Variants in DGKK observed in about 807,000 individuals in gnomAD.
The protein encoded by DGKK is 142 kDa diacylglycerol kinase.
DGKK carries 35 observed loss-of-function variants against 92.2 expected under a neutral mutation model. The observed-to-expected ratio is 0.38, with a 90% CI of 0.29 to 0.50. The LOEUF is 0.50. DGKK is among the 20% of genes least tolerant of loss of function. The pLI is 0.92. For missense variants in DGKK, 910 were observed against 992.2 expected (o/e 0.92, Z 1.11); for synonymous variants, 368 against 360.6 (o/e 1.02, Z -0.23).
intron 1 of DGKK, among the ~76,000 whole-genome samples, chrX:50,450,356 C>T (rs782501116): frequency 1.8e-5 from 2 of 111,831 alleles, no homozygotes; most frequent in Non-Finnish European, 3.8e-5. Context: ...CACAGAGCAC[C>T]AACTCAGATG....
Position 50,388,579 on chromosome X carries a change from A to G in DGKK, c.1966T>C (p.Leu656=), listed in dbSNP as rs781885191. The change falls in exon 13 of 28, where the codon TTG becomes CTG. Residue 656 remains leucine, a synonymous_variant. Transcript: ENST00000611977. ...IQHLESAATE[L]NKILKAKYPT... The stretch of plus-strand genomic sequence containing the variant: ...TACTTGGCCTTCAGGATTTTGTTCA[A>G]CTCGGTGGCTGCAGATTCTAAGTGT... 12 of 1,208,331 alleles carry G rather than the reference A, an allele frequency of 9.9e-6. No homozygotes were observed. In the South Asian group the frequency reaches 1.4e-4, roughly 14 times the overall value.
At chrX:50,429,211 T>TC (rs1440060712) in intron 1 of DGKK, among the ~76,000 whole-genome samples, 1 of 111,352 alleles carries the variant, frequency 9.0e-6, no homozygotes, top group Non-Finnish European at 1.9e-5. Flanking sequence ...AGGCTTGGTT[T>TC]CCCTTACTTT....
At chrX:50,397,197 C>G (rs1924874802) in intron 8 of DGKK, among the ~76,000 whole-genome samples, 1 of 111,721 alleles carries the variant, frequency 9.0e-6, no homozygotes, top group Non-Finnish European at 1.9e-5. Context: ...CTGAAAGAAC[C>G]TTTCAAAAAA....
intron 1 of DGKK, among the ~76,000 whole-genome samples, chrX:50,449,158 C>A (rs1014073417): frequency 9.0e-6 from 1 of 111,455 alleles, no homozygotes; most frequent in Non-Finnish European, 1.9e-5. Context: ...CATGGTGACA[C>A]CCCAAAGCAA....
intron 1 of DGKK, among the ~76,000 whole-genome samples, chrX:50,449,365 C>T (rs1329397539): frequency 3.6e-5 from 4 of 111,667 alleles, no homozygotes; most frequent in African/African-American, 1.3e-4. Context: ...AATAGCCATC[C>T]CACAGAGGAA....
At chrX:50,407,902 G>A (rs782667374) in intron 4 of DGKK, among the ~76,000 whole-genome samples, 14 of 112,276 alleles carry the variant, frequency 1.2e-4, no homozygotes, top group Non-Finnish European at 1.9e-5. Context: ...TGGACTTAAG[G>A]GTACAGATAT....
At chrX:50,375,324 T>C (rs1167929531) in intron 24 of DGKK, among the ~76,000 whole-genome samples, 2 of 111,511 alleles carry the variant, frequency 1.8e-5, no homozygotes, top group Non-Finnish European at 3.8e-5. Flanking sequence ...GCATCACTGA[T>C]TGATTGCAGT....
intron 1 of DGKK, among the ~76,000 whole-genome samples, chrX:50,453,027 C>T (rs1365352394): frequency 2.7e-5 from 3 of 111,341 alleles, no homozygotes; most frequent in African/African-American, 9.8e-5. Flanking sequence ...AAGTTTTAAG[C>T]CTTTTAAAAA....
intron 1 of DGKK, among the ~76,000 whole-genome samples, chrX:50,454,372 T>C (rs782730762): frequency 2.7e-5 from 3 of 111,402 alleles, no homozygotes; most frequent in Non-Finnish European, 5.7e-5. Context: ...TAGATTATCA[T>C]TGCCTGAGGT....
chrX:50,372,861 C>G (rs1924177570), intron 25 of DGKK, among the ~76,000 whole-genome samples: 1 of 111,997 alleles, frequency 8.9e-6, no homozygotes, highest in African/African-American at 3.2e-5. Context: ...GGCCTCACCT[C>G]TACTCCCTGG....
chrX:50,423,519 C>T (rs1180469060), intron 2 of DGKK, among the ~76,000 whole-genome samples: 1 of 111,568 alleles, frequency 9.0e-6, no homozygotes, highest in South Asian at 3.8e-4. Flanking sequence ...CCTGTGTTAG[C>T]CAACAATTTC....
At position 50,403,181 on chromosome X, in the gene DGKK, G is replaced by T. The variant is rs1393343600; in HGVS notation, c.1188C>A (p.Asn396Lys). 1 of 1,190,925 alleles carries T rather than the reference G, an allele frequency of 8.4e-7. No individual in the cohort carries two copies. The highest frequency in any genetic ancestry group is 2.3e-5 in the Admixed American group (1 of 43,432). The part of the protein sequence containing the change: ...DDLLLPADEV[N>K]MPHQWVEGNM... ...TTCCTTCTACCCATTGATGGGGCATGTTCTGCAGAAGGGTAAAAAGACACA... is the reference window on the plus strand; with the variant it reads ...TTCCTTCTACCCATTGATGGGGCATTTTCTGCAGAAGGGTAAAAAGACACA... Residue 396 changes from asparagine (N) to lysine (K), a missense_variant and splice_region_variant, in exon 7 of 28, where the codon AAC becomes AAA. Physicochemically the swap from Asn to Lys is moderately conservative, Grantham distance 94 (BLOSUM62 0). Transcript: ENST00000611977.
chrX:50,462,882 CTTTTTTTTTTTTTTTTTTTTTTT>C (rs548003185), intron 1 of DGKK, among the ~76,000 whole-genome samples: 12 of 15,766 alleles, frequency 7.6e-4, no homozygotes, highest in African/African-American at 1.3e-3. Flanking sequence ...CCTTTCCTTG[CTTTTTTTTTTTTTTTTTTTTTTT>C]TTTTTTTTTT....
At chrX:50,404,631 A>C (rs782699727) in intron 4 of DGKK, among the ~76,000 whole-genome samples, 1 of 109,650 alleles carries the variant, frequency 9.1e-6, no homozygotes, top group African/African-American at 3.3e-5. Flanking sequence ...TTTTTAGTAG[A>C]GACGGGGTCA....
rs1557224108 is a variant in DGKK, at chrX:50,378,628, G to T, written c.2926C>A (p.Gln976Lys). The T allele has an allele frequency of 8.3e-7, 1 of 1,209,758 alleles. No homozygotes were observed. The highest frequency in any genetic ancestry group is 1.1e-6 in the Non-Finnish European group (1 of 894,632). ...LEVVAIFGSV[Q>K]MAMSRIINLH... ...TTGATGATACGGGACATTGCCATCT[G>T]CACAGAACCAAAGATTGCCACCACC... Residue 976 changes from glutamine to lysine, a missense_variant, in exon 21 of 28, where the codon CAG becomes AAG. Transcript: ENST00000611977.
chrX:50,465,688 G>A (rs1391694552), intron 1 of DGKK, among the ~76,000 whole-genome samples: 1 of 110,602 alleles, frequency 9.0e-6, no homozygotes, highest in Non-Finnish European at 1.9e-5. Context: ...CCACCGCTTT[G>A]GAAAAAAATT....
intron 8 of DGKK, among the ~76,000 whole-genome samples, chrX:50,398,515 CATGGGATATTAA>C (rs1363973547): frequency 8.9e-6 from 1 of 111,908 alleles, no homozygotes; most frequent in East Asian, 2.8e-4. Flanking sequence ...AAAGCTAACT[CATGGGATATTAA>C]ATAAGACACC....
In DGKK at chrX:50,390,829, C is replaced by G. The variant is rs922190847; in HGVS notation, c.1845-420G>C. Among the ~76,000 whole-genome samples the G allele has an allele frequency of 5.4e-5, 6 of 112,052 alleles. 1 individual carries two copies. The highest frequency in any genetic ancestry group is 1.1e-4 in the Non-Finnish European group (6 of 53,152). ...GCAATAAATCAAATGCTCCTATATACACCAGCATAGAAAGTCTTTTTTTCC... is the reference window on the plus strand; with the variant it reads ...GCAATAAATCAAATGCTCCTATATAGACCAGCATAGAAAGTCTTTTTTTCC... On this transcript the variant is annotated intron_variant, in intron 11 of 27. Coordinates refer to ENST00000611977, the MANE Select transcript of DGKK (RefSeq NM_001013742.4).
Position 50,457,962 on chromosome X carries a change from C to T in DGKK, c.645+12072G>A, listed in dbSNP as rs185018270. Among the ~76,000 whole-genome samples, 5 of 111,341 alleles carry T rather than the reference C, an allele frequency of 4.5e-5. No homozygotes were observed. The South Asian group carries it at 1.2e-3, about 26-fold the overall frequency. ...GAGGGAAGAAAGAAACTTGAGAGAA[C>T]GGCCATGTTTCCGAGAAAGTATGAT... On this transcript the variant is annotated intron_variant, in intron 1 of 27. Coordinates refer to ENST00000611977, the MANE Select transcript of DGKK (RefSeq NM_001013742.4).
Sources: gnomAD v4.1 joint callset for allele counts (sites outside exome capture counted in the v4.1 genomes callset) on GRCh38, gnomAD v4.1.1 for gene constraint, MANE v1.5 for transcripts, NCBI Gene and HGNC (gene_info 2026-07-23, HGNC 2026-07-21) for gene names.